TCF12: variants seen among roughly 807,000 people sequenced by gnomAD.
TCF12 encodes the protein DNA-binding protein HTF4.
TCF12 carries 45 observed loss-of-function variants against 86.0 expected under a neutral mutation model. The ratio of observed to expected loss-of-function variants is 0.52; its 90% confidence interval spans 0.41 to 0.67. The LOEUF is 0.67. Among genes scored for constraint, TCF12 ranks in the 30% least tolerant of loss-of-function variants. TCF12 has a pLI of 0.00. For synonymous variants in TCF12, 330 were observed against 299.6 expected (o/e 1.10, Z -1.05); for missense variants, 881 against 859.9 (o/e 1.02, Z -0.31).
chr15:57,058,303 T>C (rs2068188756), intron 3 of TCF12, among the ~76,000 whole-genome samples: 1 of 152,254 alleles, frequency 6.6e-6, no homozygotes. Flanking sequence ...TTTTGTATCT[T>C]TACAGGGCAT....
intron 4 of TCF12, among the ~76,000 whole-genome samples, chr15:57,068,369 C>T (rs2069084397): frequency 6.6e-6 from 1 of 152,154 alleles, no homozygotes; most frequent in African/African-American, 2.4e-5. Flanking sequence ...AATTTAAACA[C>T]ATGGATACAT....
chr15:57,123,555 C>T (rs1365390121), intron 5 of TCF12, among the ~76,000 whole-genome samples: 1 of 151,026 alleles, frequency 6.6e-6, no homozygotes, highest in Admixed American at 6.6e-5. Context: ...GCTTTGTTGT[C>T]CAGGCTGGAA....
chr15:57,186,629 CAA>C (rs2056681312), intron 6 of TCF12, among the ~76,000 whole-genome samples: 1 of 152,176 alleles, frequency 6.6e-6, no homozygotes, highest in Non-Finnish European at 1.5e-5. Context: ...ATTCTGATAC[CAA>C]AGTAAGACAA....
intron 2 of TCF12, among the ~76,000 whole-genome samples, chr15:56,920,355 C>G (rs1173554756): frequency 6.6e-6 from 1 of 151,912 alleles, no homozygotes; most frequent in Non-Finnish European, 1.5e-5. Context: ...CTTCAGTACT[C>G]CTCACCATTT....
At chr15:57,105,461 A>G (rs778559623) in intron 5 of TCF12, among the ~76,000 whole-genome samples, 1 of 151,966 alleles carries the variant, frequency 6.6e-6, no homozygotes, top group Non-Finnish European at 1.5e-5. Flanking sequence ...CCTAGGCTAG[A>G]CTGCAGTGGT....
intron 4 of TCF12, among the ~76,000 whole-genome samples, chr15:57,071,270 G>A (rs990419050): frequency 6.6e-6 from 1 of 151,032 alleles, no homozygotes; most frequent in African/African-American, 2.5e-5. Flanking sequence ...AAAAAATCCA[G>A]GTCTGGTGGT....
At chr15:57,232,952 A>AC in intron 11 of TCF12, 96 bp downstream of exon 11, 18 of 758,906 alleles carry the variant, frequency 2.4e-5, no homozygotes, top group Non-Finnish European at 2.9e-5. Context: ...TATATATATA[A>AC]ATGTTATATA....
At chr15:57,103,192 A>G (rs1484871383) in intron 5 of TCF12, among the ~76,000 whole-genome samples, 2 of 152,274 alleles carry the variant, frequency 1.3e-5, no homozygotes, top group Non-Finnish European at 2.9e-5. Flanking sequence ...AAGGGTATGT[A>G]CAATAAAAAT....
chr15:57,081,410 T>C (rs1442712888), intron 4 of TCF12, among the ~76,000 whole-genome samples: 2 of 152,190 alleles, frequency 1.3e-5, no homozygotes, highest in Non-Finnish European at 2.9e-5. Flanking sequence ...TCTTGCCTCA[T>C]CTGTGGAATG....
At chr15:57,018,961 GGACT>G (rs1432732066) in intron 3 of TCF12, among the ~76,000 whole-genome samples, 3 of 152,104 alleles carry the variant, frequency 2.0e-5, no homozygotes, top group Non-Finnish European at 2.9e-5. Context: ...TGAAAGGCCT[GGACT>G]GACTAAGGCT....
chr15:57,138,409 T>A (rs2052711459), intron 5 of TCF12, among the ~76,000 whole-genome samples: 1 of 152,180 alleles, frequency 6.6e-6, no homozygotes. Context: ...TGTTAACCAT[T>A]CCTGGCTTAA....
At chr15:57,096,598 A>G (rs564761385) in intron 5 of TCF12, among the ~76,000 whole-genome samples, 1 of 152,318 alleles carries the variant, frequency 6.6e-6, no homozygotes, top group East Asian at 1.9e-4. Flanking sequence ...TCTATAACTT[A>G]CATATAATAC....
intron 6 of TCF12, among the ~76,000 whole-genome samples, chr15:57,191,348 T>C (rs1306968512): frequency 6.6e-6 from 1 of 152,120 alleles, no homozygotes; most frequent in East Asian, 1.9e-4. Context: ...CCTGTAGTCC[T>C]AGCTGTTTCA....
chr15:57,267,953 G>A (rs1389174613), intron 18 of TCF12, among the ~76,000 whole-genome samples: 11 of 152,064 alleles, frequency 7.2e-5, no homozygotes, highest in African/African-American at 2.2e-4. Flanking sequence ...CTTTGCACAC[G>A]GTCTAGCACA....
At chr15:57,193,039 A>G (rs2057065039) in intron 7 of TCF12, among the ~76,000 whole-genome samples, 1 of 152,214 alleles carries the variant, frequency 6.6e-6, no homozygotes, top group Non-Finnish European at 1.5e-5. Flanking sequence ...TTTACTAAAA[A>G]TGATATAACA....
intron 20 of TCF12, among the ~76,000 whole-genome samples, chr15:57,283,389 A>G (rs1276400460): frequency 1.3e-5 from 2 of 151,840 alleles, no homozygotes; most frequent in African/African-American, 4.8e-5. Context: ...CCTCCCGAGT[A>G]GACTAGCTGG....
Position 57,250,175 on chromosome 15 carries a change from C to G in TCF12, c.1115-1175C>G, listed in dbSNP as rs1318771213. ...TGGGAAATTTTTTAATAGATGACCC[C>G]AAGATCATTTACAGTCATGGGAAAT... is the stretch of plus-strand genomic sequence containing the variant. On this transcript the variant is annotated intron_variant, in intron 13 of 20. Transcript: ENST00000333725. Among the ~76,000 whole-genome samples the G allele has an allele frequency of 2.0e-5, 3 of 152,026 alleles. No individual in the cohort carries two copies. The East Asian group carries it at 5.8e-4, about 29-fold the overall frequency.
intron 5 of TCF12, among the ~76,000 whole-genome samples, chr15:57,123,651 TAA>T (rs1331934971): frequency 6.9e-6 from 1 of 144,924 alleles, no homozygotes. Context: ...TCAGCTAATG[TAA>T]AAAAAAAAAG....
chr15:57,086,022 C>G (rs556056370), intron 4 of TCF12, among the ~76,000 whole-genome samples: 4 of 152,104 alleles, frequency 2.6e-5, no homozygotes, highest in African/African-American at 9.6e-5. Context: ...TTTATAATAT[C>G]TAAAACTCAG....
Sources: allele counts gnomAD v4.1 joint callset (sites outside exome capture counted in the v4.1 genomes callset), GRCh38; gene constraint gnomAD v4.1.1; transcripts MANE v1.5; gene names NCBI Gene and HGNC (gene_info 2026-07-23, HGNC 2026-07-21).